The following MEF2A variants were observed in gnomAD, a reference collection of about 807,000 sequenced individuals.
MEF2A encodes the protein myocyte enhancer factor 2A.
A neutral mutation model predicts 55.8 loss-of-function variants in MEF2A; 28 were observed. The observed-to-expected ratio is 0.50, with a 90% confidence interval of 0.37 to 0.69. The LOEUF is 0.69. MEF2A is among the 30% of genes least tolerant of loss of function. The pLI, the probability that MEF2A is intolerant of heterozygous loss-of-function variation, is 0.00. For synonymous variants in MEF2A, 239 were observed against 227.1 expected, an observed-to-expected ratio of 1.05 and a Z score of -0.47; for missense variants, 528 against 626.2, an observed-to-expected ratio of 0.84 and a Z score of 1.67.
intron 10 of MEF2A, among the ~76,000 whole-genome samples, chr15:99,710,109 C>T (rs781149612): frequency 6.6e-6 from 1 of 152,118 alleles, no homozygotes; most frequent in South Asian, 2.1e-4. Flanking sequence ...TAATGATGGC[C>T]TCTTATTTGA....
intron 10 of MEF2A, among the ~76,000 whole-genome samples, chr15:99,708,295 A>G (rs1039628918): frequency 1.3e-5 from 2 of 152,242 alleles, no homozygotes; most frequent in Admixed American, 6.5e-5. Context: ...GGGCAAAGCT[A>G]TACTGTTCAA....
chr15:99,570,428 TTAATA>T (rs1375298490), intron 1 of MEF2A, among the ~76,000 whole-genome samples: 1 of 152,000 alleles, frequency 6.6e-6, no homozygotes, highest in Non-Finnish European at 1.5e-5. Flanking sequence ...ACAAAAACCT[TTAATA>T]TATGGACTTA....
chr15:99,628,574 A>G (rs1466584459), intron 2 of MEF2A, among the ~76,000 whole-genome samples: 3 of 152,016 alleles, frequency 2.0e-5, no homozygotes, highest in Non-Finnish European at 4.4e-5. Context: ...TGTTCTTGCC[A>G]TAGTTACCCA....
rs771547181 is a variant in MEF2A at position 99,690,470 on chromosome 15, A to G, written c.858+42A>G. 8.0e-6 allele frequency: 12 copies of G among 1,500,030 alleles called. No individual in the cohort carries two copies. The African/African-American group carries it at 1.7e-4, about 21-fold the overall frequency. 92.9% of individuals were successfully genotyped at this position (1,500,030 alleles called of 1,614,324 possible). ...TTCAACTTCATTCTTTAAAACACAT[A>G]TTTTATACATAGTCAATCTGTAGCT... is the stretch of plus-strand genomic sequence containing the variant. On this transcript the variant is annotated intron_variant, in intron 8 of 11. Transcript: ENST00000557942.
At chr15:99,688,554 A>G (rs1390714598) in intron 7 of MEF2A, among the ~76,000 whole-genome samples, 1 of 152,234 alleles carries the variant, frequency 6.6e-6, no homozygotes, top group Non-Finnish European at 1.5e-5. Context: ...TCAGGAGATC[A>G]AGACCATCCT....
chr15:99,603,575 G>GTGTGTGTGTGTGTGTGTGTGTGTT (rs1485962422), intron 2 of MEF2A, among the ~76,000 whole-genome samples: 1 of 151,444 alleles, frequency 6.6e-6, no homozygotes, highest in African/African-American at 2.4e-5. Context: ...GTGTGTGTGT[G>GTGTGTGTGTGTGTGTGTGTGTGTT]TGTTTGGTAG....
In MEF2A at chr15:99,576,645, G is replaced by GTT. The variant is rs921725509; in HGVS notation, c.-225+10553_-225+10554dup. Among the ~76,000 whole-genome samples, 439 of 138,906 alleles carry GTT rather than the reference G, an allele frequency of 3.2e-3. 2 individuals carry two copies. The highest frequency in any genetic ancestry group is 0.01 in the African/African-American group (396 of 38,280). 91.1% of individuals were successfully genotyped at this position (138,906 alleles called of 152,430 possible). A position where few individuals can be genotyped will look rare whatever the true frequency, so the allele number is the denominator to read the frequency against. On this transcript the variant is annotated intron_variant, in intron 1 of 11. Transcript: ENST00000557942. ...AAGAAACATAAACTTTAGTTTTTTT[G>GTT]TTTTTTTTTTTTTGAGACGGAATCT...
rs1204583538 is a variant in MEF2A at position 99,712,367 on chromosome 15, CCT to C, written c.1137-16_1137-15del. 2.7e-6 allele frequency: 4 copies of C among 1,506,192 alleles called. No homozygotes were observed. Among genetic ancestry groups the C allele is most frequent in the African/African-American group, 1.4e-5 (1 of 72,230 alleles). The allele number at this position is 1,506,192 out of a possible 1,614,324, so 93.3% of individuals were successfully genotyped here. A position where few individuals can be genotyped will look rare whatever the true frequency, so the allele number is the denominator to read the frequency against. The stretch of plus-strand genomic sequence containing the variant: ...GCAGAGGTACTTGCAAGCCATCTGA[CCT>C]CTCTCTTTTTTTTCCTTCAGTGCTG... On this transcript the variant is annotated intron_variant, in intron 11 of 11. Coordinates refer to ENST00000557942, the MANE Select transcript of MEF2A (RefSeq NM_001319206.4). The surrounding 1 kb of genome is among the most constrained non-coding windows in gnomAD (Gnocchi z 4.1).
intron 7 of MEF2A, among the ~76,000 whole-genome samples, chr15:99,678,452 G>C (rs1416603066): frequency 6.6e-6 from 1 of 152,174 alleles, no homozygotes; most frequent in Non-Finnish European, 1.5e-5. Flanking sequence ...ATAACTTACT[G>C]TATCAGCTCC....
At chr15:99,572,429 A>T (rs931617043) in intron 1 of MEF2A, among the ~76,000 whole-genome samples, 2 of 152,098 alleles carry the variant, frequency 1.3e-5, no homozygotes, top group Non-Finnish European at 2.9e-5. Context: ...TACACAGATT[A>T]TTTCCTTCAA....
chr15:99,588,590 G>A (rs1466673984), intron 1 of MEF2A, among the ~76,000 whole-genome samples: 1 of 151,524 alleles, frequency 6.6e-6, no homozygotes, highest in African/African-American at 2.4e-5. Flanking sequence ...ACAGGTGTGA[G>A]CCACTGCACC....
intron 3 of MEF2A, among the ~76,000 whole-genome samples, chr15:99,644,738 G>A (rs879826999): frequency 4.6e-5 from 7 of 152,190 alleles, no homozygotes; most frequent in Non-Finnish European, 8.8e-5. Flanking sequence ...GTTCACAACA[G>A]CATTGAGCAG....
chr15:99,706,704 C>G (rs1481603709), intron 9 of MEF2A, 25 bp from the exon 10 acceptor site: 9 of 1,609,496 alleles, frequency 5.6e-6, no homozygotes, highest in Non-Finnish European at 7.7e-6. Flanking sequence ...CATCAGAACA[C>G]ATTTTCTCTT....
chr15:99,594,637 C>T (rs932254873), intron 1 of MEF2A, among the ~76,000 whole-genome samples: 1 of 152,050 alleles, frequency 6.6e-6, no homozygotes, highest in Non-Finnish European at 1.5e-5. Flanking sequence ...GACCAGCACA[C>T]GTATTGAAGC....
At chr15:99,614,043 C>G (rs1361709462) in intron 2 of MEF2A, among the ~76,000 whole-genome samples, 1 of 152,154 alleles carries the variant, frequency 6.6e-6, no homozygotes, top group Non-Finnish European at 1.5e-5. Context: ...GCCAAAATTT[C>G]AACTCTGCCT....
chr15:99,566,014 G>C lies in MEF2A; in HGVS notation c.-315G>C, dbSNP rs1959182145. ...TGCGCGGATGTCCCGGCGAGTCCCG[G>C]GCTGAAAGAGGCGGCTCCGGGCGGC... On this transcript the variant is annotated 5_prime_UTR_variant, in exon 1 of 12. Transcript: ENST00000557942. The C allele has an allele frequency of 6.6e-6, 1 of 152,456 alleles. No homozygotes were observed. Among genetic ancestry groups the C allele is most frequent in the Non-Finnish European group, 1.5e-5 (1 of 68,292 alleles). 9.4% of individuals were successfully genotyped at this position (152,456 alleles called of 1,614,324 possible). A position where few individuals can be genotyped will look rare whatever the true frequency, so the allele number is the denominator to read the frequency against.
At chr15:99,685,421 G>C (rs115958744) in intron 7 of MEF2A, among the ~76,000 whole-genome samples, 1 of 151,496 alleles carries the variant, frequency 6.6e-6, no homozygotes, top group Admixed American at 6.6e-5. Context: ...TCCTTGGTTA[G>C]TTATGTTCCT....
In MEF2A at chr15:99,713,113, C is replaced by G; in HGVS notation, c.*342C>G. The G allele has an allele frequency of 2.3e-6, 1 of 434,922 alleles. No homozygotes were observed. The highest frequency in any genetic ancestry group is 4.1e-6 in the Non-Finnish European group (1 of 246,630). The allele number at this position is 434,922 out of a possible 1,614,324, so 26.9% of individuals were successfully genotyped here. A position where few individuals can be genotyped will look rare whatever the true frequency, so the allele number is the denominator to read the frequency against. On this transcript the variant is annotated 3_prime_UTR_variant, in exon 12 of 12. Transcript: ENST00000557942. ...AACGTGTACCCATATATAATTCTCC[C>G]ACACTAGCTTGCAGAAACCTAGAGG...
chr15:99,683,832 A>T (rs145267826), intron 7 of MEF2A, among the ~76,000 whole-genome samples: 9 of 152,126 alleles, frequency 5.9e-5, no homozygotes, highest in East Asian at 1.9e-4. Context: ...CCTGTACCCA[A>T]TATGTAGTCT....
Sources: allele counts gnomAD v4.1 joint callset (sites outside exome capture counted in the v4.1 genomes callset), GRCh38; gene constraint gnomAD v4.1.1; non-coding constraint Gnocchi (gnomAD v3.1); transcripts MANE v1.5; gene names NCBI Gene and HGNC (gene_info 2026-07-23, HGNC 2026-07-21).